Variants in DENND5A observed in about 807,000 individuals in gnomAD.
DENND5A encodes the protein DENN domain-containing protein 5A.
Under a neutral mutation model 140.3 loss-of-function variants are expected in DENND5A, and 64 were observed. That is an observed-to-expected ratio of 0.46 (90% CI 0.37 to 0.56). The LOEUF is 0.56. Ranked by LOEUF, DENND5A falls within the 20% of genes least tolerant of loss-of-function variation. DENND5A has a pLI of 0.00. For synonymous variants in DENND5A, 605 were observed against 607.7 expected (o/e 1.00, Z 0.07); for missense variants, 1,292 against 1,593.8 (o/e 0.81, Z 3.22).
At chr11:9,250,757 T>G (rs914766585) in intron 1 of DENND5A, among the ~76,000 whole-genome samples, 1 of 152,232 alleles carries the variant, frequency 6.6e-6, no homozygotes, top group Non-Finnish European at 1.5e-5. Flanking sequence ...TATCTCTGAT[T>G]TCTAGCTCTG....
In DENND5A at chr11:9,142,751, A is replaced by T; in HGVS notation, c.3482T>A (p.Phe1161Tyr). 6.2e-7 allele frequency: 1 copy of T among 1,614,176 alleles called. No individual in the cohort carries two copies. The highest frequency in any genetic ancestry group is 8.5e-7 in the Non-Finnish European group (1 of 1,180,030). Reference protein sequence around the residue: ...FQHGFKSPRLFKNVFIWDFLE... With the variant: ...FQHGFKSPRLYKNVFIWDFLE... ...GAAATCCCAAATGAAGACATTTTTG[A>T]AGAGCCGGGGCGATTTAAATCCATG... The change falls in exon 21 of 23, where the codon TTC becomes TAC. Residue 1161 changes from phenylalanine (F) to tyrosine (Y), a missense_variant. By Grantham distance (22) the Phe-to-Tyr change is conservative. Coordinates refer to ENST00000328194, the MANE Select transcript of DENND5A (RefSeq NM_015213.4).
At chr11:9,254,114 C>T (rs1258012651) in intron 1 of DENND5A, among the ~76,000 whole-genome samples, 2 of 147,802 alleles carry the variant, frequency 1.4e-5, no homozygotes, top group South Asian at 2.2e-4. Context: ...CAAGATCGCA[C>T]CATTGCATTC....
At chr11:9,160,975 G>T in intron 11 of DENND5A, 110 bp from the exon 12 acceptor site, 1 of 1,049,568 alleles carries the variant, frequency 9.5e-7, no homozygotes, top group Non-Finnish European at 1.4e-6. Flanking sequence ...GGGAAGGACA[G>T]GATGAATTAG....
In DENND5A at chr11:9,264,950, C is replaced by T; in HGVS notation, c.109+11G>A. 6.4e-7 allele frequency: 1 copy of T among 1,554,386 alleles called. No individual in the cohort carries two copies. The highest frequency in any genetic ancestry group is 8.7e-7 in the Non-Finnish European group (1 of 1,149,782). On this transcript the variant is annotated intron_variant, in intron 1 of 22. Transcript: ENST00000328194. ...GCGCGGGAAAGCGCCCCGGGCTCGG[C>T]GCGCACTCACCCGACAGCTCGTCCG...
At chr11:9,176,941 G>A (rs1311455865) in intron 8 of DENND5A, 1 of 456,036 alleles carries the variant, frequency 2.2e-6, no homozygotes, top group South Asian at 1.5e-5. Context: ...TTCTGGGAAA[G>A]CTTTTCCTTT....
chr11:9,213,755 C>T (rs531988928), intron 1 of DENND5A, among the ~76,000 whole-genome samples: 1 of 141,170 alleles, frequency 7.1e-6, no homozygotes, highest in African/African-American at 2.6e-5. Flanking sequence ...TGCAGTGAGC[C>T]GAGATTGCAC....
chr11:9,224,814 C>T (rs1054786345), intron 1 of DENND5A, among the ~76,000 whole-genome samples: 3 of 149,608 alleles, frequency 2.0e-5, no homozygotes, highest in East Asian at 2.0e-4. Context: ...GCCAAGATCG[C>T]GCCACTGCAC....
intron 10 of DENND5A, among the ~76,000 whole-genome samples, chr11:9,169,456 A>G (rs1178137698): frequency 6.6e-6 from 1 of 151,702 alleles, no homozygotes; most frequent in East Asian, 1.9e-4. Context: ...CAAACAAAAA[A>G]AGAATTAAAA....
intron 1 of DENND5A, among the ~76,000 whole-genome samples, chr11:9,248,604 T>C (rs1217883300): frequency 6.6e-6 from 1 of 151,570 alleles, no homozygotes; most frequent in African/African-American, 2.4e-5. Context: ...AACTGCGCTG[T>C]GATTGAGCCC....
At chr11:9,232,876 A>C (rs1850830899) in intron 1 of DENND5A, among the ~76,000 whole-genome samples, 1 of 152,242 alleles carries the variant, frequency 6.6e-6, no homozygotes, top group African/African-American at 2.4e-5. Flanking sequence ...CACAATGGCA[A>C]ACTCTACAGC....
At chr11:9,226,319 T>C (rs1443270283) in intron 1 of DENND5A, among the ~76,000 whole-genome samples, 1 of 152,178 alleles carries the variant, frequency 6.6e-6, no homozygotes, top group Non-Finnish European at 1.5e-5. Context: ...AACCCTACGG[T>C]ATAATTTGTC....
intron 1 of DENND5A, among the ~76,000 whole-genome samples, chr11:9,208,251 A>G (rs961607395): frequency 1.3e-5 from 2 of 152,242 alleles, no homozygotes; most frequent in Non-Finnish European, 2.9e-5. Flanking sequence ...ACCATTTCAC[A>G]GGAAGGCTAT....
At chr11:9,160,676 C>T (rs755465586) in intron 12 of DENND5A, 37 bp downstream of exon 12, 5 of 1,576,090 alleles carry the variant, frequency 3.2e-6, no homozygotes, top group Non-Finnish European at 3.5e-6. Flanking sequence ...AACAGGAAGA[C>T]AATTTGCTCA....
chr11:9,190,253 G>A (rs1371786525), intron 5 of DENND5A, among the ~76,000 whole-genome samples: 1 of 152,156 alleles, frequency 6.6e-6, no homozygotes, highest in African/African-American at 2.4e-5. Context: ...TTGGGGGACT[G>A]TTGGGAGGCA....
intron 11 of DENND5A, among the ~76,000 whole-genome samples, chr11:9,162,454 G>T (rs1018418821): frequency 3.3e-5 from 5 of 151,566 alleles, no homozygotes; most frequent in Non-Finnish European, 7.4e-5. Flanking sequence ...GGTCAGGCTG[G>T]TCTCAAACTC....
chr11:9,192,456 G>A (rs978162154), intron 5 of DENND5A, among the ~76,000 whole-genome samples: 32 of 152,100 alleles, frequency 2.1e-4, no homozygotes, highest in Admixed American at 7.9e-4. Flanking sequence ...GTGAAACCCC[G>A]TCTCTACTAA....
rs564991503 is a variant in DENND5A, at chr11:9,192,357, G to A, written c.1137+1137C>T. Among the ~76,000 whole-genome samples, 22 of 152,240 alleles carry A rather than the reference G, an allele frequency of 1.4e-4. No individual in the cohort carries two copies. The South Asian group carries it at 3.3e-3, about 23-fold the overall frequency. ...AAAATCTCTACCCCCGGCCGGGCGCGGTGGCTCACGCCTGTAATCCCAGCA... is the reference window on the plus strand; with the variant it reads ...AAAATCTCTACCCCCGGCCGGGCGCAGTGGCTCACGCCTGTAATCCCAGCA... On this transcript the variant is annotated intron_variant, in intron 5 of 22. Transcript: ENST00000328194.
intron 1 of DENND5A, among the ~76,000 whole-genome samples, chr11:9,211,197 T>C (rs1213686583): frequency 1.3e-5 from 2 of 151,990 alleles, no homozygotes; most frequent in Non-Finnish European, 2.9e-5. Flanking sequence ...GAGGGCAAAT[T>C]TTAAGGCAAA....
intron 1 of DENND5A, among the ~76,000 whole-genome samples, chr11:9,257,321 TATAAAAAAAGATAAAGCA>T (rs1851987784): frequency 6.7e-6 from 1 of 150,300 alleles, no homozygotes; most frequent in African/African-American, 2.4e-5. Flanking sequence ...AATATGAAAT[TATAAAAAAAGATAAAGCA>T]ATAAAGCTAC....
Sources: gnomAD v4.1 joint callset for allele counts (sites outside exome capture counted in the v4.1 genomes callset) on GRCh38, gnomAD v4.1.1 for gene constraint, MANE v1.5 for transcripts, NCBI Gene and HGNC (gene_info 2026-07-23, HGNC 2026-07-21) for gene names.